Variants in PCCA observed in about 807,000 individuals in gnomAD.
PCCA encodes the protein propionyl-CoA carboxylase alpha chain, mitochondrial.
In PCCA, 74 loss-of-function variants were observed where a neutral mutation model predicts 101.3. That is an observed-to-expected ratio of 0.73 (90% CI 0.61 to 0.89). PCCA has a LOEUF of 0.89. Among genes scored for constraint, PCCA ranks in the 40% least tolerant of loss-of-function variants. The probability of loss-of-function intolerance (pLI) is 0.00; values close to 1 mark genes in which losing one functional copy is unlikely to be tolerated. For missense variants in PCCA, 891 were observed against 907.0 expected, an observed-to-expected ratio of 0.98 and a Z score of 0.23; for synonymous variants, 294 against 313.6, an observed-to-expected ratio of 0.94 and a Z score of 0.66.
intron 7 of PCCA, among the ~76,000 whole-genome samples, chr13:100,211,234 C>A (rs1464754158): frequency 6.6e-6 from 1 of 152,130 alleles, no homozygotes; most frequent in African/African-American, 2.4e-5. Context: ...CGTAAAGCAC[C>A]ATCACCCCTA....
At chr13:100,181,573 C>T (rs959753840) in intron 6 of PCCA, among the ~76,000 whole-genome samples, 4 of 151,922 alleles carry the variant, frequency 2.6e-5, no homozygotes, top group African/African-American at 9.7e-5. Context: ...CAGGCGTGCA[C>T]CACCATGCCT....
chr13:100,319,804 G>A lies in PCCA; in HGVS notation c.1429+9896G>A, dbSNP rs143770556. ...AGGTTTGTTCTTTTGGCTTAGGATTGTCTTGGCAATGTGGGCTCTTTTTTG... is the reference window on the plus strand; with the variant it reads ...AGGTTTGTTCTTTTGGCTTAGGATTATCTTGGCAATGTGGGCTCTTTTTTG... On this transcript the variant is annotated intron_variant, in intron 16 of 23. Coordinates refer to ENST00000376285, the MANE Select transcript of PCCA (RefSeq NM_000282.4). 3.7e-4 allele frequency among the ~76,000 whole-genome samples: 57 copies of A among 152,278 alleles called. 1 individual carries two copies. The highest frequency in any genetic ancestry group is 4.1e-4 in the South Asian group (2 of 4,826).
At chr13:100,345,098 T>C (rs1198361665) in intron 18 of PCCA, among the ~76,000 whole-genome samples, 1 of 152,194 alleles carries the variant, frequency 6.6e-6, no homozygotes, top group Non-Finnish European at 1.5e-5. Context: ...ATATTGAAGT[T>C]AGACTAATTA....
chr13:100,351,537 T>A (rs1462207900), intron 18 of PCCA, among the ~76,000 whole-genome samples: 2 of 152,148 alleles, frequency 1.3e-5, no homozygotes, highest in African/African-American at 4.8e-5. Flanking sequence ...TTTTTCAGTA[T>A]AATGCTTTTT....
At position 100,302,983 on chromosome 13, in the gene PCCA, G is replaced by A. The variant is rs778642206; in HGVS notation, c.1269G>A (p.Pro423=). Reference sequence around the variant, plus strand: ...GGAGATTGTCTCAGTACCAAGAACCGTTACATCTACCTGGTGTAAGTCATT... The same window carrying A: ...GGAGATTGTCTCAGTACCAAGAACCATTACATCTACCTGGTGTAAGTCATT... ...SIGRLSQYQE[P]LHLPGVRVDS... is the part of the protein sequence containing the mutation. Residue 423 remains proline (P), a synonymous_variant, in exon 14 of 24, where the codon CCG becomes CCA. Coordinates refer to ENST00000376285, the MANE Select transcript of PCCA (RefSeq NM_000282.4). 7 of 1,588,580 alleles carry A rather than the reference G, an allele frequency of 4.4e-6. No homozygotes were observed. The highest frequency in any genetic ancestry group is 2.2e-5 in the East Asian group (1 of 44,704).
chr13:100,207,056 G>A (rs1467880954), intron 6 of PCCA, among the ~76,000 whole-genome samples: 2 of 152,210 alleles, frequency 1.3e-5, no homozygotes, highest in East Asian at 1.9e-4. Context: ...CCGGTGTCAC[G>A]TACAACTTAC....
intron 6 of PCCA, among the ~76,000 whole-genome samples, chr13:100,199,745 A>G (rs953639864): frequency 6.6e-6 from 1 of 152,124 alleles, no homozygotes; most frequent in African/African-American, 2.4e-5. Flanking sequence ...AGTTAATTGG[A>G]ATATATTTAG....
At chr13:100,420,196 A>G (rs1383372105) in intron 19 of PCCA, among the ~76,000 whole-genome samples, 2 of 152,204 alleles carry the variant, frequency 1.3e-5, no homozygotes, top group African/African-American at 4.8e-5. Context: ...ATTAAAGGCA[A>G]AATGTCAAAA....
intron 9 of PCCA, among the ~76,000 whole-genome samples, chr13:100,258,379 T>G (rs2062221869): frequency 6.6e-6 from 1 of 152,214 alleles, no homozygotes; most frequent in Non-Finnish European, 1.5e-5. Context: ...GTGGCCATCT[T>G]TGGAAAAGAC....
intron 20 of PCCA, among the ~76,000 whole-genome samples, chr13:100,436,280 G>C (rs945233976): frequency 6.6e-6 from 1 of 152,200 alleles, no homozygotes; most frequent in African/African-American, 2.4e-5. Flanking sequence ...TCACACTCCT[G>C]TGCAAACATG....
At chr13:100,454,558 A>T (rs554643569) in intron 21 of PCCA, among the ~76,000 whole-genome samples, 2 of 152,376 alleles carry the variant, frequency 1.3e-5, no homozygotes, top group African/African-American at 4.8e-5. Context: ...TTTCCAAGAC[A>T]CACAGGTCAG....
chr13:100,508,845 G>A (rs1477530958), intron 21 of PCCA, among the ~76,000 whole-genome samples: 2 of 152,102 alleles, frequency 1.3e-5, no homozygotes, highest in African/African-American at 4.8e-5. Flanking sequence ...TTGTGCTGAC[G>A]TTGGTTTCCA....
intron 4 of PCCA, among the ~76,000 whole-genome samples, 159 bp downstream of exon 4, chr13:100,112,220 A>G (rs1480333725): frequency 6.6e-6 from 1 of 152,234 alleles, no homozygotes; most frequent in African/African-American, 2.4e-5. Context: ...ACAGTATCAC[A>G]GTATCTTCTA....
At chr13:100,277,614 T>G (rs2063758362) in intron 12 of PCCA, among the ~76,000 whole-genome samples, 3 of 152,292 alleles carry the variant, frequency 2.0e-5, no homozygotes, top group Middle Eastern at 3.4e-3. Flanking sequence ...GAGCGGGCAG[T>G]GGAATGACAG....
intron 21 of PCCA, among the ~76,000 whole-genome samples, chr13:100,450,628 C>T (rs952677798): frequency 2.6e-5 from 4 of 151,774 alleles, no homozygotes; most frequent in South Asian, 2.1e-4. Flanking sequence ...GTATTTCAGG[C>T]GAGAGAGCTT....
chr13:100,478,631 G>GGAGGGCTCGCCTGCCTCTT (rs1251251535), intron 21 of PCCA, among the ~76,000 whole-genome samples: 2 of 152,300 alleles, frequency 1.3e-5, no homozygotes, highest in Admixed American at 1.3e-4. Flanking sequence ...TGCCTGGTCA[G>GGAGGGCTCGCCTGCCTCTT]GAGGGCTCGC....
At chr13:100,321,997 C>T (rs759109254) in intron 16 of PCCA, among the ~76,000 whole-genome samples, 26 of 152,206 alleles carry the variant, frequency 1.7e-4, no homozygotes, top group East Asian at 5.8e-4. Flanking sequence ...GTGCCCTGCT[C>T]GCTCAAACAC....
At chr13:100,280,717 G>A (rs377408842) in intron 12 of PCCA, among the ~76,000 whole-genome samples, 94 of 152,248 alleles carry the variant, frequency 6.2e-4, no homozygotes, top group African/African-American at 2.1e-3. Flanking sequence ...TACACACAGG[G>A]TCTACTTCAT....
Position 100,108,005 on chromosome 13 carries a change from A to G in PCCA, c.184-3836A>G, listed in dbSNP as rs373621222. Among the ~76,000 whole-genome samples, 32 of 152,256 alleles carry G rather than the reference A, an allele frequency of 2.1e-4. No homozygotes were observed. In the East Asian group the frequency reaches 3.5e-3, roughly 17 times the overall value. On this transcript the variant is annotated intron_variant, in intron 2 of 23. Coordinates refer to ENST00000376285, the MANE Select transcript of PCCA (RefSeq NM_000282.4). ...TACCCATTGTGCTGTATCCTTTCTC[A>G]GAAGAGTTGGGCAAGTGACCCAGTG...
Sources: allele counts gnomAD v4.1 joint callset (sites outside exome capture counted in the v4.1 genomes callset), GRCh38; gene constraint gnomAD v4.1.1; transcripts MANE v1.5; gene names NCBI Gene and HGNC (gene_info 2026-07-23, HGNC 2026-07-21).